The following CARM1 variants were observed in gnomAD, a reference collection of about 807,000 sequenced individuals.
CARM1 encodes the protein histone-arginine methyltransferase CARM1.
In CARM1, 14 loss-of-function variants were observed where a neutral mutation model predicts 72.7. The ratio of observed to expected loss-of-function variants is 0.19; its 90% confidence interval spans 0.13 to 0.30. The LOEUF (loss-of-function observed/expected upper bound fraction) is 0.30, where lower values mean the gene tolerates loss of function less well. CARM1 is among the 10% of genes least tolerant of loss of function. The pLI, the probability that CARM1 is intolerant of heterozygous loss-of-function variation, is 1.00. For missense variants in CARM1, 432 were observed against 833.7 expected (o/e 0.52, Z 5.93); for synonymous variants, 333 against 345.5 (o/e 0.96, Z 0.40).
At chr19:10,872,005 C>T in intron 1 of CARM1, 83 bp downstream of exon 1, 3 of 1,103,320 alleles carry the variant, frequency 2.7e-6, no homozygotes, top group Non-Finnish European at 3.4e-6. Flanking sequence ...GGGAGGGGCC[C>T]TGAGCGCGGG....
intron 1 of CARM1, among the ~76,000 whole-genome samples, chr19:10,891,339 G>A (rs2073986441): frequency 1.3e-5 from 2 of 152,106 alleles, no homozygotes; most frequent in South Asian, 4.1e-4. Context: ...GCTTGCAGGT[G>A]GCAGAGCTCA....
At chr19:10,874,319 A>T (rs2073845790) in intron 1 of CARM1, among the ~76,000 whole-genome samples, 1 of 152,000 alleles carries the variant, frequency 6.6e-6, no homozygotes, top group South Asian at 2.1e-4. Flanking sequence ...CCCAGATGAT[A>T]TATCCTTAGG....
At chr19:10,886,448 G>C (rs1294640268) in intron 1 of CARM1, among the ~76,000 whole-genome samples, 1 of 151,620 alleles carries the variant, frequency 6.6e-6, no homozygotes, top group African/African-American at 2.4e-5. Context: ...CTCCCACCTC[G>C]ACCACCCAAA....
At chr19:10,903,953 C>T (rs1381559866) in intron 1 of CARM1, among the ~76,000 whole-genome samples, 2 of 152,170 alleles carry the variant, frequency 1.3e-5, no homozygotes, top group African/African-American at 4.8e-5. Flanking sequence ...ATCCTCCTGC[C>T]TTGGCCTCCC....
chr19:10,899,068 T>G (rs2074045021), intron 1 of CARM1, among the ~76,000 whole-genome samples: 2 of 151,438 alleles, frequency 1.3e-5, no homozygotes, highest in African/African-American at 2.4e-5. Flanking sequence ...TGTCAGTATT[T>G]CCCAGGTGTC....
chr19:10,908,106 C>T lies in CARM1; in HGVS notation c.414C>T (p.Ser138=), dbSNP rs777132228. The T allele has an allele frequency of 4.3e-6, 7 of 1,613,878 alleles. No homozygotes were observed. In the East Asian group the frequency reaches 6.7e-5, roughly 15 times the overall value. The change falls in exon 3 of 16, where the codon AGC becomes AGT. Residue 138 remains serine (S), a synonymous_variant. Coordinates refer to ENST00000327064, the MANE Select transcript of CARM1 (RefSeq NM_199141.2). ...ACACCCTGGAGCGGTCTGTGTTCAG[C>T]GAGCGGACGGAGGAGTCTTCTGCCG... ...RGHTLERSVF[S]ERTEESSAVQ...
intron 1 of CARM1, among the ~76,000 whole-genome samples, chr19:10,901,965 C>T (rs1306207986): frequency 1.3e-5 from 2 of 151,840 alleles, no homozygotes; most frequent in African/African-American, 4.8e-5. Flanking sequence ...ATATATAGGC[C>T]GGGCACAGTG....
At position 10,893,789 on chromosome 19, in the gene CARM1, C is replaced by G. The variant is rs564688307; in HGVS notation, c.221-11162C>G. ...CCCTGGGGCCGGGCTGTCAGGCCCT[C>G]CACGTGGGTTATGTCACCTCACCCT... On this transcript the variant is annotated intron_variant, in intron 1 of 15. Transcript: ENST00000327064. Among the ~76,000 whole-genome samples the G allele has an allele frequency of 4.6e-4, 70 of 152,264 alleles. No homozygotes were observed. In the Middle Eastern group the frequency reaches 0.014, roughly 30 times the overall value.
At chr19:10,907,396 T>C (rs549262478) in intron 2 of CARM1, among the ~76,000 whole-genome samples, 2 of 152,258 alleles carry the variant, frequency 1.3e-5, no homozygotes, top group African/African-American at 4.8e-5. Flanking sequence ...AGGGTGGTGA[T>C]TGGTGATTCT....
chr19:10,921,736 C>T lies in CARM1; in HGVS notation c.1806C>T (p.Asn602=), dbSNP rs2074255223. ...CGTCGCCCATGTCCATCCCGACCAA[C>T]ACCATGCACTACGGGAGCTAGGGGC... The part of the protein sequence containing the change: ...SMASPMSIPT[N]TMHYGS Residue 602 remains asparagine, a synonymous_variant, in exon 16 of 16, where the codon AAC becomes AAT. Coordinates refer to ENST00000327064, the MANE Select transcript of CARM1 (RefSeq NM_199141.2). 3 of 1,609,910 alleles carry T rather than the reference C, an allele frequency of 1.9e-6. No individual in the cohort carries two copies. The highest frequency in any genetic ancestry group is 1.3e-5 in the African/African-American group (1 of 74,854).
At chr19:10,906,915 A>ATGTTATG (rs2074109368) in intron 2 of CARM1, among the ~76,000 whole-genome samples, 1 of 128,460 alleles carries the variant, frequency 7.8e-6, no homozygotes, top group African/African-American at 2.8e-5. Context: ...ATTTTATTTT[A>ATGTTATG]TTTTATTTTG....
chr19:10,883,982 C>G (rs1026905938), intron 1 of CARM1, among the ~76,000 whole-genome samples: 20 of 149,508 alleles, frequency 1.3e-4, no homozygotes, highest in African/African-American at 4.7e-4. Flanking sequence ...CATGCCACTG[C>G]ACTCCGGCCT....
Position 10,916,875 on chromosome 19 carries a change from C to T in CARM1, c.1020+98C>T, listed in dbSNP as rs1408012124. 19 of 893,268 alleles carry T rather than the reference C, an allele frequency of 2.1e-5. No individual in the cohort carries two copies. The East Asian group carries it at 4.5e-4, about 21-fold the overall frequency. The allele number at this position is 893,268 out of a possible 1,614,324, so 55.3% of individuals were successfully genotyped here. On this transcript the variant is annotated intron_variant, in intron 8 of 15. Transcript: ENST00000327064. This position sits in a 1 kb window ranked among gnomAD's most constrained non-coding sequence, Gnocchi z 4.4. ...GCTACAGCCCCTCTCTGAGCCCTCT[C>T]CTCTGCCCTGCACAGCGCTCTCACA...
At chr19:10,898,705 G>A (rs893128702) in intron 1 of CARM1, among the ~76,000 whole-genome samples, 6 of 152,200 alleles carry the variant, frequency 3.9e-5, no homozygotes, top group Admixed American at 1.3e-4. Context: ...ATGCCTGTGC[G>A]TCCCGGGCCC....
chr19:10,889,128 G>C (rs939338074), intron 1 of CARM1, among the ~76,000 whole-genome samples: 1 of 152,200 alleles, frequency 6.6e-6, no homozygotes, highest in African/African-American at 2.4e-5. Context: ...TGTCTCCTGA[G>C]ATCTGACCTG....
rs751305894 is a variant in CARM1 at position 10,916,421 on chromosome 19, A to G, written c.862A>G (p.Thr288Ala). ...CCCACTCCCAGGAAACATGTTTCCT[A>G]CCATTGGTGACGTCCACCTTGCACC... is the stretch of plus-strand genomic sequence containing the variant. The part of the protein sequence containing the change: ...YLKPSGNMFP[T>A]IGDVHLAPFT... The change falls in exon 7 of 16, where the codon ACC becomes GCC. Residue 288 changes from threonine (T) to alanine (A), a missense_variant. Around this residue, in one of 3 missense-constraint regions of CARM1, gnomAD observed 152 missense variants for 452.8 expected, o/e 0.34. Transcript: ENST00000327064. The surrounding 1 kb of genome is among the most constrained non-coding windows in gnomAD (Gnocchi z 4.4). The G allele has an allele frequency of 6.2e-7, 1 of 1,612,444 alleles. No homozygotes were observed.
chr19:10,891,952 G>A (rs961188212), intron 1 of CARM1, among the ~76,000 whole-genome samples: 7 of 152,166 alleles, frequency 4.6e-5, no homozygotes, highest in African/African-American at 1.7e-4. Flanking sequence ...AGGCAGCACT[G>A]AAGTCACTTT....
chr19:10,916,677 G>C lies in CARM1; in HGVS notation c.939-19G>C, dbSNP rs2074199331. 1 of 1,567,078 alleles carries C rather than the reference G, an allele frequency of 6.4e-7. No homozygotes were observed. The highest frequency in any genetic ancestry group is 1.2e-5 in the South Asian group (1 of 85,666). On this transcript the variant is annotated intron_variant, in intron 7 of 15. Coordinates refer to ENST00000327064, the MANE Select transcript of CARM1 (RefSeq NM_199141.2). The surrounding 1 kb of genome is among the most constrained non-coding windows in gnomAD (Gnocchi z 4.4). ...TTCTGCAGCCCTGACCTTGCTGTGG[G>C]GGTGGGGCCTGTCCACAGGTACCAG... is the stretch of plus-strand genomic sequence containing the variant.
At chr19:10,885,683 A>T (rs1234763453) in intron 1 of CARM1, among the ~76,000 whole-genome samples, 2 of 152,148 alleles carry the variant, frequency 1.3e-5, no homozygotes, top group African/African-American at 4.8e-5. Context: ...ACAGGACGGG[A>T]AGGCGAAGAT....
Sources: allele counts gnomAD v4.1 joint callset (sites outside exome capture counted in the v4.1 genomes callset), GRCh38; gene constraint gnomAD v4.1.1; regional missense constraint gnomAD v4.1.1; non-coding constraint Gnocchi (gnomAD v3.1); transcripts MANE v1.5; gene names NCBI Gene and HGNC (gene_info 2026-07-23, HGNC 2026-07-21).